Variants in TBC1D22A observed in about 807,000 individuals in gnomAD.
TBC1D22A encodes the protein TBC1 domain family member 22A.
A neutral mutation model predicts 60.2 loss-of-function variants in TBC1D22A; 38 were observed. That is an observed-to-expected ratio of 0.63 (90% CI 0.49 to 0.83). The LOEUF (loss-of-function observed/expected upper bound fraction) is 0.83. Ranked by LOEUF, TBC1D22A falls within the 40% of genes least tolerant of loss-of-function variation. The probability of loss-of-function intolerance (pLI) is 0.00; values close to 1 mark genes in which losing one functional copy is unlikely to be tolerated. For missense variants in TBC1D22A, 628 were observed against 701.0 expected (o/e 0.90, Z 1.18); for synonymous variants, 302 against 281.7 (o/e 1.07, Z -0.72).
chr22:46,849,547 T>G (rs2087175042), intron 4 of TBC1D22A, among the ~76,000 whole-genome samples: 1 of 152,104 alleles, frequency 6.6e-6, no homozygotes, highest in African/African-American at 2.4e-5. Flanking sequence ...TGACTCAGAT[T>G]CATCTGTCTT....
chr22:47,126,102 C>T (rs1403828936), intron 12 of TBC1D22A, among the ~76,000 whole-genome samples: 3 of 152,206 alleles, frequency 2.0e-5, no homozygotes, highest in African/African-American at 4.8e-5. Flanking sequence ...CCGTCTCAGC[C>T]TCCCGAGTAG....
intron 12 of TBC1D22A, among the ~76,000 whole-genome samples, chr22:47,159,733 C>A (rs2067895335): frequency 6.6e-6 from 1 of 151,784 alleles, no homozygotes; most frequent in South Asian, 2.1e-4. Flanking sequence ...AAACACTGCA[C>A]ACCATTCATC....
At position 46,989,525 on chromosome 22, in the gene TBC1D22A, G is replaced by A. The variant is rs185982668; in HGVS notation, c.1126-8109G>A. On this transcript the variant is annotated intron_variant, in intron 9 of 12. Transcript: ENST00000337137. ...CTTGGCCTAATATCAATCTTGTTGTGTCTCAGAAAATAGGAAGGCCCGAGG... is the reference window on the plus strand; with the variant it reads ...CTTGGCCTAATATCAATCTTGTTGTATCTCAGAAAATAGGAAGGCCCGAGG... Among the ~76,000 whole-genome samples the A allele has an allele frequency of 3.9e-5, 6 of 152,204 alleles. No homozygotes were observed. In the East Asian group the frequency reaches 7.7e-4, roughly 20 times the overall value.
At chr22:47,043,055 C>T (rs2062903024) in intron 11 of TBC1D22A, among the ~76,000 whole-genome samples, 1 of 152,342 alleles carries the variant, frequency 6.6e-6, no homozygotes, top group South Asian at 2.1e-4. Context: ...CTGTTCTCAG[C>T]CCTCAGGCAT....
intron 4 of TBC1D22A, among the ~76,000 whole-genome samples, chr22:46,808,139 C>T (rs1053830031): frequency 6.6e-6 from 1 of 152,126 alleles, no homozygotes; most frequent in South Asian, 2.1e-4. Context: ...GGGTGGATCA[C>T]CTGAGGTCAG....
chr22:46,854,989 A>G (rs2087494881), intron 4 of TBC1D22A, among the ~76,000 whole-genome samples: 1 of 152,222 alleles, frequency 6.6e-6, no homozygotes, highest in Non-Finnish European at 1.5e-5. Context: ...TGTAGTAGTC[A>G]TTATAATAGT....
At chr22:47,047,765 C>G (rs946544093) in intron 11 of TBC1D22A, among the ~76,000 whole-genome samples, 1 of 152,248 alleles carries the variant, frequency 6.6e-6, no homozygotes, top group Non-Finnish European at 1.5e-5. Context: ...TGGGGTCTTT[C>G]AGAGCCTGTC....
At chr22:46,832,116 G>T (rs2086335198) in intron 4 of TBC1D22A, among the ~76,000 whole-genome samples, 1 of 152,190 alleles carries the variant, frequency 6.6e-6, no homozygotes. Flanking sequence ...CCCAGCAAGA[G>T]GCTGGGTTTG....
intron 1 of TBC1D22A, among the ~76,000 whole-genome samples, chr22:46,779,727 C>T (rs1234449196): frequency 6.6e-6 from 1 of 152,226 alleles, no homozygotes; most frequent in African/African-American, 2.4e-5. Flanking sequence ...CTACTGGGTT[C>T]TCAGTGCTCC....
chr22:46,970,360 C>T (rs1335750420), intron 8 of TBC1D22A, among the ~76,000 whole-genome samples: 2 of 152,228 alleles, frequency 1.3e-5, no homozygotes, highest in African/African-American at 4.8e-5. Flanking sequence ...GCGTTTCTTC[C>T]TTTGAACCCT....
In TBC1D22A at chr22:46,995,507, C is replaced by T. The variant is rs186665606; in HGVS notation, c.1126-2127C>T. 5.3e-3 allele frequency among the ~76,000 whole-genome samples: 795 copies of T among 148,624 alleles called. 7 individuals are homozygous for T. The highest frequency in any genetic ancestry group is 0.02 in the African/African-American group (752 of 38,114). ...GTCATGTGTGCTCTGCGTGTGTGCA[C>T]GCACTTTGTGTGTGTGTGTGTGTGT... On this transcript the variant is annotated intron_variant, in intron 9 of 12. Transcript: ENST00000337137.
intron 8 of TBC1D22A, chr22:46,915,815 AGGTG>A (rs1569217244): frequency 2.2e-6 from 1 of 456,512 alleles, no homozygotes; most frequent in Non-Finnish European, 4.4e-6. Flanking sequence ...GTTTCACGGG[AGGTG>A]GGGAATCCTG....
At chr22:47,091,547 G>T (rs1215272598) in intron 11 of TBC1D22A, among the ~76,000 whole-genome samples, 1 of 149,034 alleles carries the variant, frequency 6.7e-6, no homozygotes, top group East Asian at 2.0e-4. Context: ...TCTTTGGGGG[G>T]GTGTGGCCTT....
At chr22:46,945,747 A>C (rs1442879301) in intron 8 of TBC1D22A, among the ~76,000 whole-genome samples, 1 of 152,178 alleles carries the variant, frequency 6.6e-6, no homozygotes, top group Non-Finnish European at 1.5e-5. Context: ...TTGCTGATGC[A>C]ATATTACCTG....
At chr22:47,081,960 C>T (rs1277435491) in intron 11 of TBC1D22A, among the ~76,000 whole-genome samples, 1 of 152,132 alleles carries the variant, frequency 6.6e-6, no homozygotes, top group Non-Finnish European at 1.5e-5. Flanking sequence ...GAGTTCAAGA[C>T]CAGCCTGGCC....
chr22:46,896,214 C>G (rs959393651), intron 7 of TBC1D22A, among the ~76,000 whole-genome samples: 2 of 152,106 alleles, frequency 1.3e-5, no homozygotes. Context: ...TTTGGTTTGT[C>G]GATTCGCTCC....
At chr22:46,803,865 C>A (rs1010666963) in intron 4 of TBC1D22A, among the ~76,000 whole-genome samples, 1 of 152,216 alleles carries the variant, frequency 6.6e-6, no homozygotes, top group African/African-American at 2.4e-5. Context: ...CCCAGCCACA[C>A]CCAGATCCTT....
At chr22:46,855,206 G>A (rs1345456274) in intron 4 of TBC1D22A, among the ~76,000 whole-genome samples, 1 of 152,294 alleles carries the variant, frequency 6.6e-6, no homozygotes, top group East Asian at 1.9e-4. Context: ...ATTATTACTT[G>A]TGCCCAAGGT....
At position 46,773,010 on chromosome 22, in the gene TBC1D22A, G is replaced by A. The variant is rs139692843; in HGVS notation, c.62+10162G>A. Among the ~76,000 whole-genome samples, 212 of 152,272 alleles carry A rather than the reference G, an allele frequency of 1.4e-3. 1 individual carries two copies. Among genetic ancestry groups the A allele is most frequent in the African/African-American group, 4.8e-3 (200 of 41,548 alleles). On this transcript the variant is annotated intron_variant, in intron 1 of 12. Transcript: ENST00000337137. Reference sequence around the variant, plus strand: ...CATCTCTGTTTTTCTTTCCCTGAACGGCCACAGTGTAGCACGGCCTGCCTG... The same window carrying A: ...CATCTCTGTTTTTCTTTCCCTGAACAGCCACAGTGTAGCACGGCCTGCCTG...
Sources: allele counts gnomAD v4.1 joint callset (sites outside exome capture counted in the v4.1 genomes callset), GRCh38; gene constraint gnomAD v4.1.1; transcripts MANE v1.5; gene names NCBI Gene and HGNC (gene_info 2026-07-23, HGNC 2026-07-21).